The following CNTN5 variants were observed in gnomAD, a reference collection of about 807,000 sequenced individuals.
The protein encoded by CNTN5 is contactin 5, also known as contactin-5.
CNTN5 carries 77 observed loss-of-function variants against 129.1 expected under a neutral mutation model. The observed-to-expected ratio is 0.60, with a 90% CI of 0.50 to 0.72. CNTN5 has a LOEUF of 0.72. Ranked by LOEUF, CNTN5 falls within the 30% of genes least tolerant of loss-of-function variation. The probability of loss-of-function intolerance (pLI) is 0.00; values close to 1 mark genes in which losing one functional copy is unlikely to be tolerated. For synonymous variants in CNTN5, 509 were observed against 465.6 expected, an observed-to-expected ratio of 1.09 and a Z score of -1.20; for missense variants, 1,478 against 1,328.8, an observed-to-expected ratio of 1.11 and a Z score of -1.75.
chr11:99,821,699 T>G (rs1022986573), intron 4 of CNTN5, among the ~76,000 whole-genome samples: 1 of 152,116 alleles, frequency 6.6e-6, no homozygotes, highest in Non-Finnish European at 1.5e-5. Flanking sequence ...ACTGTGCTCC[T>G]CAATCTTTAC....
chr11:100,038,057 G>A (rs922550548), intron 9 of CNTN5, among the ~76,000 whole-genome samples: 28 of 151,496 alleles, frequency 1.8e-4, no homozygotes, highest in African/African-American at 6.3e-4. Context: ...TAATTGTGAT[G>A]TTAGGGTGTC....
intron 3 of CNTN5, among the ~76,000 whole-genome samples, chr11:99,597,158 T>A (rs934104012): frequency 1.3e-5 from 2 of 152,160 alleles, no homozygotes; most frequent in African/African-American, 4.8e-5. Context: ...ACAATACCAA[T>A]CATATGATTC....
intron 16 of CNTN5, among the ~76,000 whole-genome samples, chr11:100,241,016 C>T (rs777943430): frequency 1.3e-5 from 2 of 152,150 alleles, no homozygotes; most frequent in Non-Finnish European, 2.9e-5. Context: ...ACACAGTAAA[C>T]CCAATATTGG....
rs991647437 is a variant in CNTN5 at position 99,291,212 on chromosome 11, C to T, written c.-209-34134C>T. Among the ~76,000 whole-genome samples the T allele has an allele frequency of 5.3e-5, 8 of 151,946 alleles. No individual in the cohort carries two copies. In the East Asian group the frequency reaches 1.5e-3, roughly 29 times the overall value. On this transcript the variant is annotated intron_variant, in intron 1 of 24. Transcript: ENST00000524871. ...GCCATATTTGGATAAATACACTGCA[C>T]AGATTAATGTTTCTGTTTCTCACTT... is the stretch of plus-strand genomic sequence containing the variant.
At chr11:99,339,208 C>A (rs202146411) in intron 2 of CNTN5, among the ~76,000 whole-genome samples, 1 of 136,384 alleles carries the variant, frequency 7.3e-6, no homozygotes, top group Admixed American at 7.3e-5. Flanking sequence ...AATAAAAAAA[C>A]TTTATCCTTT....
chr11:99,295,852 T>C (rs2085900), intron 1 of CNTN5, among the ~76,000 whole-genome samples: 131,400 of 144,492 alleles, frequency 0.91, 59,835 homozygotes, highest in East Asian at 1. Flanking sequence ...GTCCGCAGTC[T>C]GGCCTGGGCG....
At position 99,701,547 on chromosome 11, in the gene CNTN5, A is replaced by G; in HGVS notation, c.56-117997A>G. Among the ~76,000 whole-genome samples, 2 of 151,166 alleles carry G rather than the reference A, an allele frequency of 1.3e-5. 1 individual carries two copies. Among genetic ancestry groups the G allele is most frequent in the Non-Finnish European group, 3.0e-5 (2 of 67,386 alleles). On this transcript the variant is annotated intron_variant, in intron 3 of 24. Transcript: ENST00000524871. ...AAATAAAAATAATTTTATGTATGAA[A>G]GTGAAGCATTCTGAATTTGAATTCA...
intron 2 of CNTN5, among the ~76,000 whole-genome samples, chr11:99,404,730 T>C (rs1191764366): frequency 6.6e-6 from 1 of 152,174 alleles, no homozygotes; most frequent in African/African-American, 2.4e-5. Context: ...AACGTTGTCA[T>C]AGTTTTTATT....
intron 6 of CNTN5, among the ~76,000 whole-genome samples, chr11:99,885,753 ATATAT>A (rs953840812): frequency 1.3e-5 from 2 of 152,178 alleles, no homozygotes; most frequent in African/African-American, 2.4e-5. Context: ...AAGACAAAAA[ATATAT>A]TAAGAATGAG....
At chr11:99,790,817 A>G (rs750921667) in intron 3 of CNTN5, among the ~76,000 whole-genome samples, 5 of 151,954 alleles carry the variant, frequency 3.3e-5, no homozygotes, top group African/African-American at 4.8e-5. Flanking sequence ...TTTTTCTGCA[A>G]CCTCGCCAGC....
chr11:100,298,447 T>G (rs11223566), intron 19 of CNTN5, among the ~76,000 whole-genome samples: 8 of 151,020 alleles, frequency 5.3e-5, no homozygotes, highest in African/African-American at 1.2e-4. Context: ...CGGGCTTTGT[T>G]TCTTTGCCAC....
chr11:99,304,168 T>G (rs1052956394), intron 1 of CNTN5, among the ~76,000 whole-genome samples: 2 of 152,156 alleles, frequency 1.3e-5, no homozygotes, highest in African/African-American at 4.8e-5. Context: ...ATGTTTGTCT[T>G]TGAAGTGCCC....
In CNTN5 at chr11:99,118,415, G is replaced by A. The variant is rs184792306; in HGVS notation, c.-210+97145G>A. 1.4e-3 allele frequency among the ~76,000 whole-genome samples: 210 copies of A among 152,086 alleles called. 2 individuals carry two copies. Among genetic ancestry groups the A allele is most frequent in the Non-Finnish European group, 1.9e-4 (13 of 68,002 alleles). On this transcript the variant is annotated intron_variant, in intron 1 of 24. Transcript: ENST00000524871. ...TTTCAATGTTGCTGACTTTAATACT[G>A]TTAATCAGTACACATTGGAGAGTGA...
At chr11:99,941,536 C>G (rs1950435404) in intron 7 of CNTN5, among the ~76,000 whole-genome samples, 1 of 114,760 alleles carries the variant, frequency 8.7e-6, no homozygotes, top group Admixed American at 8.8e-5. Flanking sequence ...TACTGCCACG[C>G]AAGAGATAAG....
At chr11:99,588,729 C>T (rs897935932) in intron 3 of CNTN5, among the ~76,000 whole-genome samples, 12 of 152,116 alleles carry the variant, frequency 7.9e-5, no homozygotes, top group African/African-American at 2.9e-4. Context: ...CCTGTATTTA[C>T]CTTCAGAAAT....
chr11:99,786,161 A>G (rs1477558116), intron 3 of CNTN5, among the ~76,000 whole-genome samples: 1 of 152,148 alleles, frequency 6.6e-6, no homozygotes, highest in East Asian at 1.9e-4. Context: ...GCAAAGTCTC[A>G]CGATACAAAA....
At chr11:99,900,131 T>C (rs1477901866) in intron 6 of CNTN5, among the ~76,000 whole-genome samples, 5 of 151,870 alleles carry the variant, frequency 3.3e-5, no homozygotes, top group Non-Finnish European at 5.9e-5. Context: ...TAGCGTTCTA[T>C]GAATTTTCTT....
chr11:99,498,989 C>T lies in CNTN5; in HGVS notation c.-70-57156C>T, dbSNP rs73536707. 3.0e-3 allele frequency among the ~76,000 whole-genome samples: 459 copies of T among 152,258 alleles called. 3 individuals carry two copies. Among genetic ancestry groups the T allele is most frequent in the African/African-American group, 0.011 (441 of 41,552 alleles). ...TGTCATGATAAAGGCAGCTCTACCT[C>T]TGATGTTTGCAATCACATGAGCCAA... is the stretch of plus-strand genomic sequence containing the variant. On this transcript the variant is annotated intron_variant, in intron 2 of 24. Coordinates refer to ENST00000524871, the MANE Select transcript of CNTN5 (RefSeq NM_014361.4).
intron 13 of CNTN5, among the ~76,000 whole-genome samples, chr11:100,122,942 G>A (rs969219756): frequency 3.9e-5 from 6 of 152,024 alleles, no homozygotes; most frequent in Non-Finnish European, 7.4e-5. Flanking sequence ...ATATCCAAAG[G>A]AAAATTATTG....
Sources: gnomAD v4.1 joint callset for allele counts (sites outside exome capture counted in the v4.1 genomes callset) on GRCh38, gnomAD v4.1.1 for gene constraint, MANE v1.5 for transcripts, NCBI Gene and HGNC (gene_info 2026-07-23, HGNC 2026-07-21) for gene names.